Variants in SLC24A3 observed in about 807,000 individuals in gnomAD.
SLC24A3 encodes sodium/potassium/calcium exchanger 3.
SLC24A3 carries 28 observed loss-of-function variants against 75.8 expected under a neutral mutation model. That is an observed-to-expected ratio of 0.37 (90% CI 0.27 to 0.51). The LOEUF (loss-of-function observed/expected upper bound fraction) is 0.51. SLC24A3 is among the 20% of genes least tolerant of loss of function. SLC24A3 has a pLI of 0.94. For synonymous variants in SLC24A3, 372 were observed against 334.1 expected (o/e 1.11, Z -1.24); for missense variants, 663 against 847.8 (o/e 0.78, Z 2.71).
chr20:19,585,691 CA>C, intron 6 of SLC24A3, 147 bp downstream of exon 6: 1 of 713,092 alleles, frequency 1.4e-6, no homozygotes, highest in South Asian at 1.9e-5. Flanking sequence ...CCTCACATCC[CA>C]GGAGGCTGGC....
chr20:19,370,969 C>A (rs1294043410), intron 2 of SLC24A3, among the ~76,000 whole-genome samples: 1 of 152,112 alleles, frequency 6.6e-6, no homozygotes. Flanking sequence ...AATGGAGGAT[C>A]AGAGATTTTA....
chr20:19,434,104 G>A (rs921543231), intron 2 of SLC24A3, among the ~76,000 whole-genome samples: 7 of 152,238 alleles, frequency 4.6e-5, no homozygotes, highest in South Asian at 2.1e-4. Flanking sequence ...AATGAAAGAC[G>A]TGATTAATAC....
At chr20:19,583,065 G>A (rs2031241130) in intron 4 of SLC24A3, among the ~76,000 whole-genome samples, 1 of 152,156 alleles carries the variant, frequency 6.6e-6, no homozygotes, top group Non-Finnish European at 1.5e-5. Flanking sequence ...GCCAGGGGCT[G>A]GGAGGAAACT....
intron 3 of SLC24A3, among the ~76,000 whole-genome samples, chr20:19,517,580 G>A (rs562838399): frequency 1.6e-4 from 24 of 152,284 alleles, no homozygotes; most frequent in Middle Eastern, 3.4e-3. Flanking sequence ...TTAGCACTTC[G>A]TAATCACTGG....
chr20:19,313,020 T>G (rs1984497006), intron 2 of SLC24A3, among the ~76,000 whole-genome samples: 1 of 149,454 alleles, frequency 6.7e-6, no homozygotes, highest in African/African-American at 2.5e-5. Flanking sequence ...ATTCTTCCTT[T>G]TCTCTTGCTT....
chr20:19,226,111 TGA>T (rs1358473061), intron 1 of SLC24A3, among the ~76,000 whole-genome samples: 4 of 152,230 alleles, frequency 2.6e-5, no homozygotes, highest in African/African-American at 9.6e-5. Flanking sequence ...CTTAGTTTTC[TGA>T]GAGTTTTTAT....
chr20:19,605,490 C>T (rs773850700), intron 6 of SLC24A3, among the ~76,000 whole-genome samples: 1 of 152,182 alleles, frequency 6.6e-6, no homozygotes, highest in African/African-American at 2.4e-5. Flanking sequence ...CTGAAGTCAA[C>T]TGATTCTTAA....
At chr20:19,217,511 C>T (rs1981595039) in intron 1 of SLC24A3, among the ~76,000 whole-genome samples, 1 of 152,068 alleles carries the variant, frequency 6.6e-6, no homozygotes, top group Non-Finnish European at 1.5e-5. Context: ...AATATTGCTG[C>T]TTATTTTAGC....
intron 6 of SLC24A3, among the ~76,000 whole-genome samples, chr20:19,607,480 C>T (rs1011418711): frequency 1.1e-4 from 16 of 152,314 alleles, no homozygotes; most frequent in African/African-American, 2.6e-4. Flanking sequence ...CTGAGGCAGG[C>T]TCCAATTGGG....
intron 2 of SLC24A3, among the ~76,000 whole-genome samples, chr20:19,375,769 A>T (rs1986073667): frequency 1.4e-5 from 2 of 145,864 alleles, no homozygotes; most frequent in African/African-American, 5.2e-5. Context: ...GTGACCTCCC[A>T]GGCATCCATA....
At chr20:19,378,676 G>A (rs1986128944) in intron 2 of SLC24A3, among the ~76,000 whole-genome samples, 1 of 152,160 alleles carries the variant, frequency 6.6e-6, no homozygotes, top group Non-Finnish European at 1.5e-5. Context: ...CAAGCAGGAA[G>A]TCTCTGGAGG....
chr20:19,679,430 T>G (rs2032580644), intron 9 of SLC24A3, among the ~76,000 whole-genome samples: 1 of 152,050 alleles, frequency 6.6e-6, no homozygotes, highest in Non-Finnish European at 1.5e-5. Context: ...GCAGGGAGGT[T>G]GCAGTGAGCC....
chr20:19,696,788 T>C lies in SLC24A3; in HGVS notation c.1492-9T>C, dbSNP rs77954634. The C allele has an allele frequency of 4.1e-4, 655 of 1,607,680 alleles. 9 individuals carry two copies. In the East Asian group the frequency reaches 0.014, roughly 34 times the overall value. On this transcript the variant is annotated splice_polypyrimidine_tract_variant and intron_variant, in intron 13 of 16. Transcript: ENST00000328041. The stretch of plus-strand genomic sequence containing the variant: ...CCCTCAGCTGACCACCTCTTCCTGC[T>C]CCTTCTAGGTCACAATCATTGGTTA...
intron 2 of SLC24A3, among the ~76,000 whole-genome samples, chr20:19,474,225 G>A (rs759763488): frequency 1.4e-4 from 22 of 152,142 alleles, no homozygotes; most frequent in Non-Finnish European, 2.1e-4. Flanking sequence ...ACAGCAGGAC[G>A]GTGTGCACAT....
At chr20:19,470,360 T>C (rs904208270) in intron 2 of SLC24A3, among the ~76,000 whole-genome samples, 1 of 152,042 alleles carries the variant, frequency 6.6e-6, no homozygotes, top group African/African-American at 2.4e-5. Context: ...GGTATAGGAT[T>C]TTAGGGCCAA....
intron 6 of SLC24A3, among the ~76,000 whole-genome samples, chr20:19,623,582 A>G (rs920459415): frequency 6.6e-6 from 1 of 152,176 alleles, no homozygotes; most frequent in African/African-American, 2.4e-5. Flanking sequence ...TAAATTAATT[A>G]TTTTTTAATT....
chr20:19,506,143 T>C (rs1013300978), intron 2 of SLC24A3, among the ~76,000 whole-genome samples: 4 of 152,226 alleles, frequency 2.6e-5, no homozygotes, highest in Non-Finnish European at 5.9e-5. Context: ...TTATGAGTGG[T>C]AAAGGACGGA....
rs558818824 is a variant in SLC24A3 at position 19,668,339 on chromosome 20, A to G, written c.713+2450A>G. ...CTTCTATCTTCTTACCAAGCCAATCATGACCATTTATTTTGCTGAAATGGT... is the reference window on the plus strand; with the variant it reads ...CTTCTATCTTCTTACCAAGCCAATCGTGACCATTTATTTTGCTGAAATGGT... On this transcript the variant is annotated intron_variant, in intron 8 of 16. Transcript: ENST00000328041. 3.3e-5 allele frequency among the ~76,000 whole-genome samples: 5 copies of G among 152,306 alleles called. No homozygotes were observed. The South Asian group carries it at 1.0e-3, about 32-fold the overall frequency.
At chr20:19,525,855 C>A (rs745629944) in intron 3 of SLC24A3, among the ~76,000 whole-genome samples, 1 of 152,178 alleles carries the variant, frequency 6.6e-6, no homozygotes, top group African/African-American at 2.4e-5. Context: ...TCTTCCCAGC[C>A]CCTCATTCCA....
Sources: allele counts gnomAD v4.1 joint callset (sites outside exome capture counted in the v4.1 genomes callset), GRCh38; gene constraint gnomAD v4.1.1; transcripts MANE v1.5; gene names NCBI Gene and HGNC (gene_info 2026-07-23, HGNC 2026-07-21).